Variants in CPA6 observed in about 807,000 individuals in gnomAD.
CPA6 encodes the protein carboxypeptidase A6.
Under a neutral mutation model 63.3 loss-of-function variants are expected in CPA6, and 58 were observed. The observed-to-expected ratio is 0.92, with a 90% CI of 0.74 to 1.14. The LOEUF (loss-of-function observed/expected upper bound fraction) is 1.14. CPA6 is among the 50% of genes most tolerant of loss of function. The pLI, the probability that CPA6 is intolerant of heterozygous loss-of-function variation, is 0.00. For synonymous variants in CPA6, 185 were observed against 179.0 expected (o/e 1.03, Z -0.27); for missense variants, 565 against 526.6 (o/e 1.07, Z -0.71).
chr8:67,731,292 C>G (rs1424521560), intron 1 of CPA6, among the ~76,000 whole-genome samples: 1 of 152,198 alleles, frequency 6.6e-6, no homozygotes, highest in Non-Finnish European at 1.5e-5. Flanking sequence ...AGTGGCAAGT[C>G]CTTTGGTATG....
intron 1 of CPA6, among the ~76,000 whole-genome samples, chr8:67,740,357 C>A (rs1249189023): frequency 6.6e-6 from 1 of 152,176 alleles, no homozygotes; most frequent in Non-Finnish European, 1.5e-5. Flanking sequence ...AGAGAACATT[C>A]AAAGGAAGCC....
At chr8:67,435,257 C>T (rs549063371) in intron 8 of CPA6, among the ~76,000 whole-genome samples, 3 of 152,262 alleles carry the variant, frequency 2.0e-5, no homozygotes, top group Non-Finnish European at 2.9e-5. Context: ...GGCCCTGGGC[C>T]TGTCCCTGCG....
At chr8:67,651,086 T>TA (rs1815826411) in intron 1 of CPA6, among the ~76,000 whole-genome samples, 1 of 152,162 alleles carries the variant, frequency 6.6e-6, no homozygotes, top group Non-Finnish European at 1.5e-5. Context: ...AGGTAAAAAC[T>TA]AATTTGTTTC....
intron 2 of CPA6, among the ~76,000 whole-genome samples, chr8:67,601,948 T>C (rs1814507453): frequency 6.6e-6 from 1 of 152,210 alleles, no homozygotes; most frequent in South Asian, 2.1e-4. Context: ...TATAACAGCA[T>C]AAGATTTGAA....
chr8:67,606,554 T>C (rs1036319417), intron 2 of CPA6, among the ~76,000 whole-genome samples: 1 of 152,134 alleles, frequency 6.6e-6, no homozygotes, highest in African/African-American at 2.4e-5. Flanking sequence ...TTACCATTTA[T>C]GGTGCCCAGC....
chr8:67,744,631 G>A (rs2623833), intron 1 of CPA6, among the ~76,000 whole-genome samples: 124,241 of 151,674 alleles, frequency 0.82, 51,089 homozygotes, highest in Admixed American at 0.86. Flanking sequence ...ATCTGACCCG[G>A]CATCAGCCAG....
chr8:67,560,570 T>C (rs901154909), intron 2 of CPA6, among the ~76,000 whole-genome samples: 4 of 152,280 alleles, frequency 2.6e-5, no homozygotes, highest in African/African-American at 9.6e-5. Flanking sequence ...GGTGAGGGGC[T>C]GTAGAATCAC....
intron 2 of CPA6, among the ~76,000 whole-genome samples, chr8:67,543,774 C>CTATTATTATTATTAT (rs56764745): frequency 0.017 from 2,554 of 146,782 alleles, 66 homozygotes; most frequent in East Asian, 0.13. Flanking sequence ...TCCCCCTCCA[C>CTATTATTATTATTAT]TATTATTATT....
At chr8:67,498,642 C>T (rs1811771302) in intron 6 of CPA6, among the ~76,000 whole-genome samples, 1 of 150,388 alleles carries the variant, frequency 6.6e-6, no homozygotes, top group African/African-American at 2.4e-5. Flanking sequence ...TACATTTCAA[C>T]AGTAAGTCCA....
At chr8:67,444,536 C>A (rs1274027114) in intron 8 of CPA6, among the ~76,000 whole-genome samples, 1 of 151,754 alleles carries the variant, frequency 6.6e-6, no homozygotes, top group Non-Finnish European at 1.5e-5. Flanking sequence ...GTAATCCCAG[C>A]ACTGTGGGAG....
At chr8:67,729,090 G>A (rs1412518246) in intron 1 of CPA6, among the ~76,000 whole-genome samples, 1 of 152,212 alleles carries the variant, frequency 6.6e-6, no homozygotes, top group Admixed American at 6.5e-5. Flanking sequence ...GCTCCTGAAA[G>A]CATGGTGCCT....
At chr8:67,722,317 T>A (rs1817516323) in intron 1 of CPA6, among the ~76,000 whole-genome samples, 1 of 152,186 alleles carries the variant, frequency 6.6e-6, no homozygotes, top group Non-Finnish European at 1.5e-5. Context: ...TGGTAATCAC[T>A]GAAAAAATAA....
At chr8:67,550,817 G>C (rs527742110) in intron 2 of CPA6, among the ~76,000 whole-genome samples, 1 of 152,046 alleles carries the variant, frequency 6.6e-6, no homozygotes, top group Non-Finnish European at 1.5e-5. Flanking sequence ...TCACGTGTTT[G>C]TTGGCCACTT....
chr8:67,712,871 C>T (rs572246825), intron 1 of CPA6, among the ~76,000 whole-genome samples: 7 of 151,706 alleles, frequency 4.6e-5, no homozygotes, highest in South Asian at 2.1e-4. Flanking sequence ...TACACGGACC[C>T]GCCTGTGAGT....
chr8:67,458,088 C>A (rs886464374), intron 8 of CPA6, among the ~76,000 whole-genome samples: 1 of 152,074 alleles, frequency 6.6e-6, no homozygotes, highest in Non-Finnish European at 1.5e-5. Flanking sequence ...CTACACCCTT[C>A]GCAAAAATAA....
chr8:67,482,162 T>C (rs797014752), intron 8 of CPA6, among the ~76,000 whole-genome samples: 3 of 152,236 alleles, frequency 2.0e-5, no homozygotes, highest in Non-Finnish European at 2.9e-5. Context: ...TTGCACCTGA[T>C]ATAAACAGGA....
intron 1 of CPA6, among the ~76,000 whole-genome samples, chr8:67,729,895 G>A (rs1362154372): frequency 6.6e-6 from 1 of 152,244 alleles, no homozygotes; most frequent in Non-Finnish European, 1.5e-5. Flanking sequence ...CTTAGGGTGT[G>A]CTATTCTTAC....
intron 9 of CPA6, among the ~76,000 whole-genome samples, chr8:67,430,182 GTT>G (rs11330654): frequency 1.3e-3 from 154 of 117,988 alleles, no homozygotes; most frequent in Non-Finnish European, 1.9e-3. Context: ...TATATATTTT[GTT>G]TTTTTTTTTT....
chr8:67,603,387 AC>A (rs750288467), intron 2 of CPA6, among the ~76,000 whole-genome samples: 32 of 152,190 alleles, frequency 2.1e-4, no homozygotes, highest in Non-Finnish European at 4.0e-4. Context: ...TCATTAAATT[AC>A]AAACACATTT....
Sources: allele counts gnomAD v4.1 joint callset (sites outside exome capture counted in the v4.1 genomes callset), GRCh38; gene constraint gnomAD v4.1.1; transcripts MANE v1.5; gene names NCBI Gene and HGNC (gene_info 2026-07-23, HGNC 2026-07-21).